The following CACNA1E variants were observed in gnomAD, a reference collection of about 807,000 sequenced individuals.
The protein encoded by CACNA1E is voltage-dependent R-type calcium channel subunit alpha-1E.
A neutral mutation model predicts 259.2 loss-of-function variants in CACNA1E; 40 were observed. That is an observed-to-expected ratio of 0.15 (90% CI 0.12 to 0.20). CACNA1E has a LOEUF of 0.20. Among genes scored for constraint, CACNA1E ranks in the 10% least tolerant of loss-of-function variants. CACNA1E has a pLI of 1.00. For synonymous variants in CACNA1E, 1,104 were observed against 1,138.5 expected, an observed-to-expected ratio of 0.97 and a Z score of 0.61; for missense variants, 1,874 against 3,040.1, an observed-to-expected ratio of 0.62 and a Z score of 9.02.
intron 4 of CACNA1E, among the ~76,000 whole-genome samples, chr1:181,578,085 A>G (rs903425328): frequency 6.6e-6 from 1 of 152,204 alleles, no homozygotes; most frequent in African/African-American, 2.4e-5. Flanking sequence ...TCTTTACAGA[A>G]AATGTGGAAA....
At chr1:181,347,267 T>C (rs917115672) in intron 1 of CACNA1E, among the ~76,000 whole-genome samples, 2 of 152,122 alleles carry the variant, frequency 1.3e-5, no homozygotes, top group Admixed American at 1.3e-4. Context: ...GTTTGTCTAA[T>C]TTTCTGTAAA....
chr1:181,392,061 A>G (rs1656339613), intron 1 of CACNA1E, among the ~76,000 whole-genome samples: 1 of 151,710 alleles, frequency 6.6e-6, no homozygotes, highest in Non-Finnish European at 1.5e-5. Flanking sequence ...TGAGCCTGGG[A>G]GGATAAGCAC....
intron 3 of CACNA1E, among the ~76,000 whole-genome samples, chr1:181,556,630 G>T (rs56161247): frequency 6.6e-6 from 1 of 152,032 alleles, no homozygotes; most frequent in Non-Finnish European, 1.5e-5. Flanking sequence ...GGGTCACTTT[G>T]TATTGAGGAT....
chr1:181,425,286 T>C (rs1355864045), intron 2 of CACNA1E, among the ~76,000 whole-genome samples: 3 of 151,906 alleles, frequency 2.0e-5, no homozygotes, highest in African/African-American at 7.3e-5. Context: ...GCCCCGAGAC[T>C]CCCACCGCAG....
intron 32 of CACNA1E, among the ~76,000 whole-genome samples, chr1:181,759,449 C>A (rs1658386435): frequency 6.7e-6 from 1 of 148,714 alleles, no homozygotes; most frequent in Non-Finnish European, 1.5e-5. Context: ...GGGAAGGATT[C>A]TGGAATTAAG....
intron 1 of CACNA1E, among the ~76,000 whole-genome samples, chr1:181,370,744 G>A (rs6687274): frequency 0.032 from 4,911 of 152,074 alleles, 279 homozygotes; most frequent in African/African-American, 0.11. Flanking sequence ...TAAACATATG[G>A]GTGCATTTTT....
intron 39 of CACNA1E, among the ~76,000 whole-genome samples, chr1:181,782,018 G>A (rs954160462): frequency 4.6e-5 from 7 of 152,180 alleles, no homozygotes; most frequent in African/African-American, 1.4e-4. Context: ...TTTTAGGAGA[G>A]AGGAAAACTC....
At chr1:181,567,435 C>T (rs1213564948) in intron 3 of CACNA1E, among the ~76,000 whole-genome samples, 1 of 152,132 alleles carries the variant, frequency 6.6e-6, no homozygotes, top group Admixed American at 6.6e-5. Flanking sequence ...GAGCAATATA[C>T]CCCACCAAGC....
intron 1 of CACNA1E, among the ~76,000 whole-genome samples, chr1:181,399,309 G>A (rs761535302): frequency 6.6e-6 from 1 of 151,032 alleles, no homozygotes; most frequent in Non-Finnish European, 1.5e-5. Context: ...AAAACACTGA[G>A]TTATTTCCGT....
At chr1:181,427,517 C>T (rs1157750622) in intron 2 of CACNA1E, among the ~76,000 whole-genome samples, 2 of 148,474 alleles carry the variant, frequency 1.3e-5, no homozygotes, top group African/African-American at 5.0e-5. Flanking sequence ...CTGCTCTCTA[C>T]CTCAACTCCT....
chr1:181,653,851 CA>C (rs1202244889), intron 7 of CACNA1E, among the ~76,000 whole-genome samples: 5 of 152,142 alleles, frequency 3.3e-5, no homozygotes, highest in Non-Finnish European at 7.3e-5. Context: ...AGGATGTGAA[CA>C]AATCTTTTGG....
Position 181,401,126 on chromosome 1 carries a change from C to T in CACNA1E, c.-14-12007C>T, listed in dbSNP as rs367907631. ...TTCTAGGCATGCTCCCTCATTAGGC[C>T]TTTGTGCAGCTTTTTCTGTCTTCCC... On this transcript the variant is annotated intron_variant, in intron 1 of 11. Transcript: ENST00000524607. Among the ~76,000 whole-genome samples the T allele has an allele frequency of 9.5e-4, 145 of 152,306 alleles. 1 individual carries two copies. The highest frequency in any genetic ancestry group is 3.4e-3 in the Middle Eastern group (1 of 294).
chr1:181,463,901 A>G (rs1661980381), intron 2 of CACNA1E, among the ~76,000 whole-genome samples: 1 of 152,106 alleles, frequency 6.6e-6, no homozygotes, highest in Non-Finnish European at 1.5e-5. Flanking sequence ...GAAGTCATTT[A>G]TATTTTTTAA....
Position 181,485,523 on chromosome 1 carries a change from A to G in CACNA1E, c.266+1513A>G, listed in dbSNP as rs1663727737. ...GGGCTTCTCCCTCTCTCCTCTCTGCATCCCGCTCCCCTGCTCCACTCTCAC... is the reference window on the plus strand; with the variant it reads ...GGGCTTCTCCCTCTCTCCTCTCTGCGTCCCGCTCCCCTGCTCCACTCTCAC... On this transcript the variant is annotated intron_variant, in intron 1 of 47. Transcript: ENST00000367573. The surrounding 1 kb of genome is among the most constrained non-coding windows in gnomAD (Gnocchi z 4.2). 6.6e-6 allele frequency among the ~76,000 whole-genome samples: 1 copy of G among 152,082 alleles called. No individual in the cohort carries two copies. The highest frequency in any genetic ancestry group is 1.5e-5 in the Non-Finnish European group (1 of 68,006).
chr1:181,746,818 T>C (rs1023399530), intron 25 of CACNA1E, among the ~76,000 whole-genome samples: 3 of 152,134 alleles, frequency 2.0e-5, no homozygotes, highest in African/African-American at 4.8e-5. Flanking sequence ...TGAAAGGCAC[T>C]CTAACATCAC....
intron 7 of CACNA1E, among the ~76,000 whole-genome samples, chr1:181,673,346 A>C (rs934141650): frequency 2.6e-5 from 4 of 152,182 alleles, no homozygotes; most frequent in Non-Finnish European, 4.4e-5. Flanking sequence ...CCGTAGGTGG[A>C]GAAGCAGGAA....
intron 6 of CACNA1E, among the ~76,000 whole-genome samples, chr1:181,594,784 C>G (rs541462758): frequency 6.6e-6 from 1 of 152,276 alleles, no homozygotes; most frequent in South Asian, 2.1e-4. Context: ...TTTTCAACTT[C>G]TATTAATTAG....
chr1:181,656,542 A>T (rs1410667936), intron 7 of CACNA1E, among the ~76,000 whole-genome samples: 1 of 152,208 alleles, frequency 6.6e-6, no homozygotes, highest in Non-Finnish European at 1.5e-5. Flanking sequence ...ATTTTTTCTA[A>T]GTTTATAAGG....
At chr1:181,430,014 T>C (rs539101674) in intron 2 of CACNA1E, among the ~76,000 whole-genome samples, 2 of 152,300 alleles carry the variant, frequency 1.3e-5, no homozygotes, top group South Asian at 4.1e-4. Context: ...TATCTCCCTT[T>C]TGGGACACAG....
Sources: allele counts gnomAD v4.1 joint callset (sites outside exome capture counted in the v4.1 genomes callset), GRCh38; gene constraint gnomAD v4.1.1; non-coding constraint Gnocchi (gnomAD v3.1); transcripts MANE v1.5; gene names NCBI Gene and HGNC (gene_info 2026-07-23, HGNC 2026-07-21).